RASSF3: variants seen among roughly 807,000 people sequenced by gnomAD.
RASSF3 encodes ras association domain-containing protein 3.
RASSF3 carries 19 observed loss-of-function variants against 19.9 expected under a neutral mutation model. The observed-to-expected ratio is 0.96, with a 90% CI of 0.67 to 1.40. RASSF3 has a LOEUF of 1.40. Among genes scored for constraint, RASSF3 ranks in the 40% most tolerant of loss-of-function variants. The pLI is 0.00. For synonymous variants in RASSF3, 110 were observed against 104.2 expected (o/e 1.06, Z -0.34); for missense variants, 306 against 289.8 (o/e 1.06, Z -0.41).
chr12:64,580,828 C>T (rs190165515), intron 2 of RASSF3, among the ~76,000 whole-genome samples: 43 of 152,134 alleles, frequency 2.8e-4, no homozygotes, highest in African/African-American at 1.0e-3. Flanking sequence ...TTCCCTCTTC[C>T]TATAAGGATA....
chr12:64,579,292 A>G (rs753551889), intron 2 of RASSF3, among the ~76,000 whole-genome samples: 11 of 151,608 alleles, frequency 7.3e-5, no homozygotes, highest in Non-Finnish European at 1.2e-4. Context: ...GTTATAATTA[A>G]GTGTTTTAAT....
At chr12:64,567,327 C>G (rs1027513048) in intron 2 of RASSF3, among the ~76,000 whole-genome samples, 1 of 152,272 alleles carries the variant, frequency 6.6e-6, no homozygotes. Context: ...AATCTCCTAC[C>G]TGGGGGTCAC....
chr12:64,653,617 T>C (rs1252989382), intron 1 of RASSF3, among the ~76,000 whole-genome samples: 3 of 151,264 alleles, frequency 2.0e-5, no homozygotes, highest in Admixed American at 2.0e-4. Flanking sequence ...CAGGCTGGAG[T>C]GCATTGGCGC....
upstream of RASSF3, among the ~76,000 whole-genome samples, chr12:64,606,730 G>A (rs570915956): frequency 5.9e-5 from 9 of 152,178 alleles, no homozygotes; most frequent in African/African-American, 2.2e-4. Flanking sequence ...CGGGAGGATC[G>A]CTTGAACCCG....
intron 1 of RASSF3, among the ~76,000 whole-genome samples, chr12:64,534,175 T>G (rs186382067): frequency 2.0e-5 from 3 of 152,174 alleles, no homozygotes; most frequent in Admixed American, 2.0e-4. Context: ...GCAGGAAGAT[T>G]GCTTGAGCCC....
At chr12:64,623,961 T>C (rs1870891384) in intron 1 of RASSF3, among the ~76,000 whole-genome samples, 1 of 150,946 alleles carries the variant, frequency 6.6e-6, no homozygotes, top group Admixed American at 6.6e-5. Context: ...ATTTCTGTTT[T>C]AGAATTGCTT....
At chr12:64,526,677 G>C (rs1317300003) in intron 1 of RASSF3, among the ~76,000 whole-genome samples, 1 of 152,090 alleles carries the variant, frequency 6.6e-6, no homozygotes. Flanking sequence ...CTGAGTAACT[G>C]GGACTATAGG....
chr12:64,668,007 C>CT (rs2136203861), intron 1 of RASSF3, among the ~76,000 whole-genome samples: 1 of 152,296 alleles, frequency 6.6e-6, no homozygotes, highest in African/African-American at 2.4e-5. Context: ...GGCCTTTGGT[C>CT]TGAGTAGAAA....
chr12:64,674,380 C>T (rs945467615), intron 1 of RASSF3, among the ~76,000 whole-genome samples: 9 of 152,146 alleles, frequency 5.9e-5, no homozygotes, highest in African/African-American at 2.2e-4. Flanking sequence ...CTTCTATATC[C>T]AACACTAAGG....
At chr12:64,558,061 G>A (rs1869282228) in intron 2 of RASSF3, among the ~76,000 whole-genome samples, 1 of 152,162 alleles carries the variant, frequency 6.6e-6, no homozygotes, top group Non-Finnish European at 1.5e-5. Context: ...CTCCAGGATG[G>A]AGGGTGCCCA....
intron 2 of RASSF3, among the ~76,000 whole-genome samples, chr12:64,586,366 C>T (rs1408161585): frequency 2.6e-5 from 4 of 151,020 alleles, no homozygotes; most frequent in Non-Finnish European, 5.9e-5. Context: ...GGTATGCACC[C>T]GTAGTCCCAC....
intron 1 of RASSF3, among the ~76,000 whole-genome samples, chr12:64,670,379 T>TG (rs956122192): frequency 4.0e-5 from 6 of 151,664 alleles, no homozygotes; most frequent in African/African-American, 1.5e-4. Context: ...TGTTTTTTTT[T>TG]TTTTCCTGAT....
At chr12:64,584,503 G>GAAAAAAA (rs11461888) in intron 2 of RASSF3, among the ~76,000 whole-genome samples, 1 of 112,704 alleles carries the variant, frequency 8.9e-6, no homozygotes, top group Admixed American at 9.4e-5. Flanking sequence ...TCCAGGCTAA[G>GAAAAAAA]AAAAAAAAAA....
chr12:64,679,179 C>T (rs533167493), intron 1 of RASSF3, among the ~76,000 whole-genome samples: 7 of 152,216 alleles, frequency 4.6e-5, no homozygotes, highest in Non-Finnish European at 1.0e-4. Flanking sequence ...TCTCCTGCCT[C>T]AGCCTGCTGA....
chr12:64,686,094 A>G (rs1873340723), intron 2 of RASSF3, among the ~76,000 whole-genome samples: 2 of 152,214 alleles, frequency 1.3e-5, no homozygotes, highest in Non-Finnish European at 2.9e-5. Flanking sequence ...AGAGGAGCAG[A>G]GAATCCCAAG....
intron 1 of RASSF3, among the ~76,000 whole-genome samples, chr12:64,623,125 T>G (rs534316838): frequency 6.6e-6 from 1 of 152,254 alleles, no homozygotes; most frequent in South Asian, 2.1e-4. Flanking sequence ...CCGGCCACCG[T>G]GAAAATTTTC....
At position 64,612,027 on chromosome 12, in the gene RASSF3, G is replaced by A. The variant is rs115748619; in HGVS notation, c.111+1284G>A. Among the ~76,000 whole-genome samples, 785 of 152,170 alleles carry A rather than the reference G, an allele frequency of 5.2e-3. 12 individuals carry two copies. The highest frequency in any genetic ancestry group is 0.017 in the African/African-American group (722 of 41,520). ...TCTTGTATTGTTTCTAAGGCTTAAG[G>A]CCCCACTATTTACGAGTCACTTTGA... On this transcript the variant is annotated intron_variant, in intron 1 of 4. Transcript: ENST00000542104.
chr12:64,550,824 AAAAAAAAAAGAAAG>A (rs887943707), intron 2 of RASSF3, among the ~76,000 whole-genome samples: 4 of 148,786 alleles, frequency 2.7e-5, no homozygotes, highest in African/African-American at 9.9e-5. Flanking sequence ...CCATCTCAAA[AAAAAAAAAAGAAAG>A]AAAGAAAGGA....
chr12:64,579,549 C>T (rs1375336720), intron 2 of RASSF3, among the ~76,000 whole-genome samples: 1 of 151,930 alleles, frequency 6.6e-6, no homozygotes, highest in Non-Finnish European at 1.5e-5. Flanking sequence ...GACTGGGTTT[C>T]ACCATATTAG....
Sources: allele counts gnomAD v4.1 joint callset (sites outside exome capture counted in the v4.1 genomes callset), GRCh38; gene constraint gnomAD v4.1.1; transcripts MANE v1.5; gene names NCBI Gene and HGNC (gene_info 2026-07-23, HGNC 2026-07-21).